The following ST3GAL3 variants were observed in gnomAD, a reference collection of about 807,000 sequenced individuals.
ST3GAL3 encodes ST3 beta-galactoside alpha-2,3-sialyltransferase 3, also known as CMP-N-acetylneuraminate-beta-1,4-galactoside alpha-2,3-sialyltransferase.
In ST3GAL3, 21 loss-of-function variants were observed where a neutral mutation model predicts 50.1. That is an observed-to-expected ratio of 0.42 (90% CI 0.30 to 0.60). The LOEUF (loss-of-function observed/expected upper bound fraction) is 0.60, where lower values mean the gene tolerates loss of function less well. ST3GAL3 is among the 20% of genes least tolerant of loss of function. The pLI, the probability that ST3GAL3 is intolerant of heterozygous loss-of-function variation, is 0.19. For synonymous variants in ST3GAL3, 183 were observed against 190.0 expected (o/e 0.96, Z 0.30); for missense variants, 353 against 489.4 (o/e 0.72, Z 2.63).
At chr1:43,831,339 T>C (rs1453296107) in intron 4 of ST3GAL3, among the ~76,000 whole-genome samples, 1 of 152,256 alleles carries the variant, frequency 6.6e-6, no homozygotes, top group African/African-American at 2.4e-5. Context: ...CCTCTGCCTG[T>C]ATAAACCAGT....
At chr1:43,731,378 ATTTTTTTTT>A (rs4019073) in intron 1 of ST3GAL3, among the ~76,000 whole-genome samples, 2 of 69,860 alleles carry the variant, frequency 2.9e-5, no homozygotes, top group African/African-American at 1.1e-4. Flanking sequence ...CACCCAGCTA[ATTTTTTTTT>A]TTTTTTTTTT....
chr1:43,821,228 A>G (rs1416609994), intron 4 of ST3GAL3, among the ~76,000 whole-genome samples: 3 of 152,214 alleles, frequency 2.0e-5, no homozygotes, highest in South Asian at 2.1e-4. Flanking sequence ...ATTGCTGGAT[A>G]GCATGAGCAA....
chr1:43,740,235 C>T (rs1680265479), intron 2 of ST3GAL3, among the ~76,000 whole-genome samples: 1 of 151,706 alleles, frequency 6.6e-6, no homozygotes, highest in African/African-American at 2.4e-5. Flanking sequence ...TGGTGGCGCG[C>T]CCCTGTAGTC....
chr1:43,743,911 T>A (rs1275340001), intron 2 of ST3GAL3, among the ~76,000 whole-genome samples: 1 of 149,902 alleles, frequency 6.7e-6, no homozygotes, highest in Non-Finnish European at 1.5e-5. Context: ...ATTGTACTTT[T>A]AAGAAAACAA....
intron 9 of ST3GAL3, among the ~76,000 whole-genome samples, chr1:43,910,980 G>T (rs1311395075): frequency 6.6e-6 from 1 of 152,108 alleles, no homozygotes; most frequent in Non-Finnish European, 1.5e-5. Context: ...GGAGACCTCA[G>T]AATTTCTTGC....
At position 43,761,950 on chromosome 1, in the gene ST3GAL3, CAAAAAA is replaced by C. The variant is rs67747915; in HGVS notation, c.118+25594_118+25599del. Among the ~76,000 whole-genome samples, 32 of 68,846 alleles carry C rather than the reference CAAAAAA, an allele frequency of 4.6e-4. 1 individual carries two copies. The East Asian group carries it at 0.01, about 22-fold the overall frequency. The allele number at this position is 68,846 out of a possible 152,430, so 45.2% of individuals were successfully genotyped here. A position where few individuals can be genotyped will look rare whatever the true frequency, so the allele number is the denominator to read the frequency against. ...TGGGCAACAGAGCGACACTCTGTCT[CAAAAAA>C]AAAAAAAAAAAAAAAAAAAAAAATT... On this transcript the variant is annotated intron_variant, in intron 2 of 11. Transcript: ENST00000347631.
chr1:43,759,081 A>G (rs1168836370), intron 2 of ST3GAL3, among the ~76,000 whole-genome samples: 1 of 151,228 alleles, frequency 6.6e-6, no homozygotes. Context: ...ACACACACAC[A>G]CACACACACA....
At chr1:43,926,845 A>C (rs1419742959) in intron 11 of ST3GAL3, among the ~76,000 whole-genome samples, 1 of 152,116 alleles carries the variant, frequency 6.6e-6, no homozygotes, top group Non-Finnish European at 1.5e-5. Context: ...TTTCTTGTTT[A>C]CTTTTTTATG....
At chr1:43,836,157 C>T (rs987961700) in intron 4 of ST3GAL3, among the ~76,000 whole-genome samples, 2 of 152,196 alleles carry the variant, frequency 1.3e-5, no homozygotes, top group South Asian at 2.1e-4. Flanking sequence ...ACATCTAGAA[C>T]GTTTTTGTCA....
intron 7 of ST3GAL3, 199 bp from the exon 8 acceptor site, chr1:43,898,969 A>T: frequency 1.5e-6 from 1 of 657,254 alleles, no homozygotes; most frequent in South Asian, 1.9e-5. Context: ...CTAGATAGAG[A>T]TGCTGGAGAG....
rs115077099 is a variant in ST3GAL3, at chr1:43,766,009, A to T, written c.119-26093A>T. ...CTTGAAGAAAGAAGCTTGAAGAGACAGGTCTCTTCACTGAGACCAGCACCA... is the reference window on the plus strand; with the variant it reads ...CTTGAAGAAAGAAGCTTGAAGAGACTGGTCTCTTCACTGAGACCAGCACCA... On this transcript the variant is annotated intron_variant, in intron 2 of 11. Coordinates refer to ENST00000347631, the MANE Select transcript of ST3GAL3 (RefSeq NM_006279.5). Among the ~76,000 whole-genome samples, 498 of 152,218 alleles carry T rather than the reference A, an allele frequency of 3.3e-3. 2 individuals carry two copies. Among genetic ancestry groups the T allele is most frequent in the African/African-American group, 0.011 (472 of 41,528 alleles).
intron 10 of ST3GAL3, 70 bp downstream of exon 10, chr1:43,920,620 G>A (rs935646687): frequency 6.2e-7 from 1 of 1,604,562 alleles, no homozygotes; most frequent in Non-Finnish European, 8.5e-7. Context: ...GGAAGGGTGG[G>A]TGGTGGGTGG....
At chr1:43,836,689 G>A (rs2064384474) in intron 4 of ST3GAL3, among the ~76,000 whole-genome samples, 1 of 152,242 alleles carries the variant, frequency 6.6e-6, no homozygotes, top group African/African-American at 2.4e-5. Context: ...ACTCAGAACT[G>A]GCAGCCAGCC....
chr1:43,868,092 A>G (rs748627803), intron 5 of ST3GAL3, among the ~76,000 whole-genome samples: 23 of 152,224 alleles, frequency 1.5e-4, no homozygotes, highest in Non-Finnish European at 3.1e-4. Flanking sequence ...TGTTTATGAT[A>G]ATAGCAAAAA....
At chr1:43,785,542 G>A (rs143260998) in intron 2 of ST3GAL3, among the ~76,000 whole-genome samples, 272 of 152,310 alleles carry the variant, frequency 1.8e-3, no homozygotes, top group Middle Eastern at 6.8e-3. Context: ...TGATCCATGG[G>A]ATAGCTGGTT....
chr1:43,797,761 A>C (rs1427003063), intron 3 of ST3GAL3, among the ~76,000 whole-genome samples: 1 of 152,202 alleles, frequency 6.6e-6, no homozygotes, highest in East Asian at 1.9e-4. Context: ...AAAGCAATAA[A>C]AAGGATACAG....
rs77504107 is a variant in ST3GAL3, at chr1:43,725,971, C to T, written c.-30-10262C>T. On this transcript the variant is annotated intron_variant, in intron 1 of 11. Transcript: ENST00000347631. ...CACGTTTTATTTTTCTCATTTAGTA[C>T]GATACCAAAAGCATTTCTCTATACC... Among the ~76,000 whole-genome samples the T allele has an allele frequency of 1.1e-4, 17 of 152,136 alleles. No individual in the cohort carries two copies. In the South Asian group the frequency reaches 1.7e-3, roughly 15 times the overall value.
chr1:43,847,902 G>A lies in ST3GAL3; in HGVS notation c.302+9591G>A, dbSNP rs141996750. Among the ~76,000 whole-genome samples, 161 of 152,084 alleles carry A rather than the reference G, an allele frequency of 1.1e-3. 2 individuals are homozygous for A. The highest frequency in any genetic ancestry group is 3.6e-3 in the African/African-American group (151 of 41,468). On this transcript the variant is annotated intron_variant, in intron 5 of 11. Transcript: ENST00000347631. ...GGTCTTTCTTCCTTTGTGTAAATAC[G>A]TATTTCCATATGGTATCCTCTTTCT...
chr1:43,852,067 G>A (rs1402851873), intron 5 of ST3GAL3, among the ~76,000 whole-genome samples: 1 of 152,154 alleles, frequency 6.6e-6, no homozygotes, highest in Non-Finnish European at 1.5e-5. Context: ...CCCATCCCTA[G>A]GTGCAGACTA....
Sources: gnomAD v4.1 joint callset for allele counts (sites outside exome capture counted in the v4.1 genomes callset) on GRCh38, gnomAD v4.1.1 for gene constraint, MANE v1.5 for transcripts, NCBI Gene and HGNC (gene_info 2026-07-23, HGNC 2026-07-21) for gene names.